Variants in NRXN1 observed in about 807,000 individuals in gnomAD.
NRXN1 encodes neurexin 1.
In NRXN1, 39 loss-of-function variants were observed where a neutral mutation model predicts 150.9. The ratio of observed to expected loss-of-function variants is 0.26; its 90% CI spans 0.20 to 0.34. The LOEUF (loss-of-function observed/expected upper bound fraction) is 0.34, where lower values mean the gene tolerates loss of function less well. Ranked by LOEUF, NRXN1 falls within the 10% of genes least tolerant of loss-of-function variation. The probability of loss-of-function intolerance (pLI) is 1.00; values close to 1 mark genes in which losing one functional copy is unlikely to be tolerated. For synonymous variants in NRXN1, 924 were observed against 757.0 expected (o/e 1.22, Z -3.62); for missense variants, 1,815 against 1,949.9 (o/e 0.93, Z 1.30).
intron 8 of NRXN1, among the ~76,000 whole-genome samples, chr2:50,581,897 G>C (rs554163494): frequency 6.6e-6 from 1 of 152,180 alleles, no homozygotes; most frequent in South Asian, 2.1e-4. Context: ...GGTGCGCTTG[G>C]AACCATGGGC....
intron 21 of NRXN1, among the ~76,000 whole-genome samples, chr2:49,995,041 G>A (rs1456845545): frequency 1.3e-5 from 2 of 152,156 alleles, no homozygotes; most frequent in African/African-American, 2.4e-5. Context: ...AAACACCTGA[G>A]GAAGGGAGAG....
intron 17 of NRXN1, among the ~76,000 whole-genome samples, chr2:50,362,106 A>C (rs2079255245): frequency 6.6e-6 from 1 of 152,226 alleles, no homozygotes; most frequent in Non-Finnish European, 1.5e-5. Context: ...ATTTCAAGAT[A>C]ATAAGAGCTA....
At chr2:50,761,365 C>T (rs910389249) in intron 5 of NRXN1, among the ~76,000 whole-genome samples, 3 of 151,646 alleles carry the variant, frequency 2.0e-5, no homozygotes, top group Non-Finnish European at 2.9e-5. Flanking sequence ...TTTTCCTGGC[C>T]GTTCTCATGA....
intron 5 of NRXN1, among the ~76,000 whole-genome samples, chr2:50,791,150 T>G (rs563304121): frequency 3.3e-5 from 5 of 149,890 alleles, no homozygotes; most frequent in East Asian, 2.0e-4. Context: ...AAAAAAAGAC[T>G]GTCAAAAGTA....
At chr2:50,197,646 T>C (rs1018222628) in intron 18 of NRXN1, among the ~76,000 whole-genome samples, 47 of 152,304 alleles carry the variant, frequency 3.1e-4, no homozygotes, top group Middle Eastern at 3.4e-3. Context: ...AGGCCAGTGA[T>C]AAGCAGTATC....
chr2:50,067,677 C>A (rs1343352821), intron 19 of NRXN1, among the ~76,000 whole-genome samples: 1 of 152,098 alleles, frequency 6.6e-6, no homozygotes, highest in African/African-American at 2.4e-5. Flanking sequence ...TTAACAGCTA[C>A]AAAAACAGGC....
intron 18 of NRXN1, among the ~76,000 whole-genome samples, chr2:50,168,642 G>GT (rs1441487282): frequency 1.3e-5 from 2 of 152,152 alleles, no homozygotes; most frequent in South Asian, 2.1e-4. Flanking sequence ...CCTAAATAAG[G>GT]TTTTTTACTG....
At chr2:50,257,770 G>A (rs1712879) in intron 17 of NRXN1, among the ~76,000 whole-genome samples, 62,312 of 151,616 alleles carry the variant, frequency 0.41, 13,007 homozygotes, top group Middle Eastern at 0.46. Flanking sequence ...AAAGTGCTAC[G>A]GAGTACTGAG....
chr2:50,959,302 G>C (rs532383322), intron 2 of NRXN1, among the ~76,000 whole-genome samples: 4 of 152,042 alleles, frequency 2.6e-5, no homozygotes, highest in South Asian at 4.1e-4. Flanking sequence ...ATAAAAACTT[G>C]CTTATAAATG....
chr2:50,658,680 C>G (rs1343490920), intron 5 of NRXN1, among the ~76,000 whole-genome samples: 1 of 151,878 alleles, frequency 6.6e-6, no homozygotes, highest in Non-Finnish European at 1.5e-5. Flanking sequence ...GACTTTCCCG[C>G]TGCCTCCTCC....
chr2:50,776,186 T>C (rs564581288), intron 5 of NRXN1, among the ~76,000 whole-genome samples: 1 of 152,276 alleles, frequency 6.6e-6, no homozygotes, highest in East Asian at 1.9e-4. Context: ...CAAACACATT[T>C]TGAAATAAAA....
At chr2:50,956,812 T>C (rs1442898563) in intron 2 of NRXN1, among the ~76,000 whole-genome samples, 1 of 152,098 alleles carries the variant, frequency 6.6e-6, no homozygotes, top group Non-Finnish European at 1.5e-5. Flanking sequence ...TTTACTGGCC[T>C]AAATGCCTTA....
chr2:50,504,327 G>A (rs952283186), intron 13 of NRXN1, among the ~76,000 whole-genome samples: 2 of 151,980 alleles, frequency 1.3e-5, no homozygotes, highest in Non-Finnish European at 2.9e-5. Flanking sequence ...CTTAGGCAAG[G>A]GGATATTCCC....
chr2:50,584,728 T>C (rs976178077), intron 8 of NRXN1, among the ~76,000 whole-genome samples: 1 of 152,296 alleles, frequency 6.6e-6, no homozygotes, highest in East Asian at 1.9e-4. Context: ...AGGTCAGTAT[T>C]GATGCTGCCA....
At chr2:50,277,499 T>TTTCC (rs1186638343) in intron 17 of NRXN1, among the ~76,000 whole-genome samples, 1 of 101,162 alleles carries the variant, frequency 9.9e-6, no homozygotes, top group Non-Finnish European at 2.1e-5. Flanking sequence ...TTCCCTTCTT[T>TTTCC]TTCCTTCCTT....
intron 21 of NRXN1, among the ~76,000 whole-genome samples, chr2:49,951,105 T>C (rs1036199832): frequency 7.9e-5 from 12 of 152,070 alleles, no homozygotes; most frequent in Middle Eastern, 6.8e-3. Flanking sequence ...CTAACGTTCA[T>C]TTTTATGTAC....
At chr2:51,027,279 G>T (rs1341300020) in intron 2 of NRXN1, among the ~76,000 whole-genome samples, 1 of 152,188 alleles carries the variant, frequency 6.6e-6, no homozygotes, top group Non-Finnish European at 1.5e-5. Flanking sequence ...GTCTCCAGAA[G>T]GAACTCAAAC....
At chr2:50,673,898 G>A (rs985871887) in intron 5 of NRXN1, among the ~76,000 whole-genome samples, 2 of 151,952 alleles carry the variant, frequency 1.3e-5, no homozygotes, top group Admixed American at 6.6e-5. Context: ...GCAGGGACAC[G>A]GATGAAGCTG....
intron 17 of NRXN1, among the ~76,000 whole-genome samples, chr2:50,294,227 AATG>A (rs1473028445): frequency 6.6e-6 from 1 of 152,194 alleles, no homozygotes; most frequent in Non-Finnish European, 1.5e-5. Flanking sequence ...TACTTTAGGG[AATG>A]ATAAGACAGC....
Sources: allele counts gnomAD v4.1 joint callset (sites outside exome capture counted in the v4.1 genomes callset), GRCh38; gene constraint gnomAD v4.1.1; transcripts MANE v1.5; gene names NCBI Gene and HGNC (gene_info 2026-07-23, HGNC 2026-07-21).